The following STAG1 variants were observed in gnomAD, a reference collection of about 807,000 sequenced individuals.
STAG1 encodes the protein STAG1 cohesin complex component, also known as cohesin subunit SA-1.
STAG1 carries 26 observed loss-of-function variants against 170.9 expected under a neutral mutation model. That is an observed-to-expected ratio of 0.15 (90% CI 0.11 to 0.21). The LOEUF (loss-of-function observed/expected upper bound fraction) is 0.21. STAG1 is among the 10% of genes least tolerant of loss of function. STAG1 has a pLI of 1.00. For synonymous variants in STAG1, 514 were observed against 497.7 expected, an observed-to-expected ratio of 1.03 and a Z score of -0.44; for missense variants, 964 against 1,509.5, an observed-to-expected ratio of 0.64 and a Z score of 5.99.
At chr3:136,553,355 T>C (rs1936480241) in intron 5 of STAG1, among the ~76,000 whole-genome samples, 1 of 151,824 alleles carries the variant, frequency 6.6e-6, no homozygotes, top group Non-Finnish European at 1.5e-5. Context: ...GGAAAGAAAA[T>C]TTAAAGAGAT....
intron 1 of STAG1, among the ~76,000 whole-genome samples, chr3:136,717,567 G>A (rs1461919142): frequency 1.3e-5 from 2 of 152,198 alleles, no homozygotes; most frequent in Admixed American, 6.5e-5. Context: ...GGGAGGCTGA[G>A]GCAGGAGAAT....
chr3:136,700,497 G>A (rs558550096), intron 1 of STAG1, among the ~76,000 whole-genome samples: 18 of 150,054 alleles, frequency 1.2e-4, no homozygotes, highest in African/African-American at 3.4e-4. Flanking sequence ...TCTGCTCACC[G>A]CAACCTCCAC....
chr3:136,439,198 A>T (rs1196834231), intron 15 of STAG1, among the ~76,000 whole-genome samples: 2 of 62,398 alleles, frequency 3.2e-5, no homozygotes, highest in East Asian at 8.2e-4. Flanking sequence ...CAGACTCAAA[A>T]AAAAAAAAAA....
At chr3:136,357,929 A>T in intron 27 of STAG1, 81 bp from the exon 28 acceptor site, 1 of 1,210,220 alleles carries the variant, frequency 8.3e-7, no homozygotes, top group Non-Finnish European at 1.2e-6. Context: ...AATATTTGTG[A>T]AGGTAGTAAA....
At chr3:136,671,177 G>T (rs973697186) in intron 1 of STAG1, among the ~76,000 whole-genome samples, 1 of 152,008 alleles carries the variant, frequency 6.6e-6, no homozygotes, top group East Asian at 1.9e-4. Context: ...CCAACTACTC[G>T]AGAGGCTAGC....
intron 13 of STAG1, among the ~76,000 whole-genome samples, chr3:136,453,546 G>A (rs924308637): frequency 4.7e-5 from 7 of 149,808 alleles, no homozygotes; most frequent in Non-Finnish European, 8.9e-5. Context: ...AGCCGAGATC[G>A]CGCCACTGCA....
intron 3 of STAG1, among the ~76,000 whole-genome samples, chr3:136,615,782 A>G (rs1470875996): frequency 6.6e-6 from 1 of 151,826 alleles, no homozygotes; most frequent in Admixed American, 6.6e-5. Flanking sequence ...CAAATCAAAA[A>G]AAAAAAGAAA....
At chr3:136,410,992 T>C (rs576003517) in intron 21 of STAG1, among the ~76,000 whole-genome samples, 2 of 152,256 alleles carry the variant, frequency 1.3e-5, no homozygotes, top group East Asian at 3.9e-4. Flanking sequence ...GAGGTGGAGG[T>C]TGCAGTGAGC....
At chr3:136,349,633 T>C (rs1448892045) in intron 28 of STAG1, among the ~76,000 whole-genome samples, 2 of 151,980 alleles carry the variant, frequency 1.3e-5, no homozygotes. Context: ...CCTTTGCTTT[T>C]AAACACCAAT....
At chr3:136,457,999 G>C (rs192296487) in intron 13 of STAG1, among the ~76,000 whole-genome samples, 1 of 152,166 alleles carries the variant, frequency 6.6e-6, no homozygotes, top group Non-Finnish European at 1.5e-5. Context: ...GCTGAGATAA[G>C]CAAAATTTTT....
At position 136,567,360 on chromosome 3, in the gene STAG1, T is replaced by C. The variant is rs188731970; in HGVS notation, c.394+1405A>G. Among the ~76,000 whole-genome samples the C allele has an allele frequency of 1.3e-3, 202 of 152,356 alleles. 2 individuals are homozygous for C. The highest frequency in any genetic ancestry group is 0.012 in the Admixed American group (184 of 15,306). ...TCTTGCCAATCCTCACTCATCTCCA[T>C]GCTCTACAATTCAGCCACAGAATCC... On this transcript the variant is annotated intron_variant, in intron 5 of 33. Coordinates refer to ENST00000383202, the MANE Select transcript of STAG1 (RefSeq NM_005862.3).
At chr3:136,463,083 G>A (rs961601575) in intron 13 of STAG1, among the ~76,000 whole-genome samples, 4 of 152,142 alleles carry the variant, frequency 2.6e-5, no homozygotes, top group African/African-American at 9.7e-5. Flanking sequence ...TGGTATCAGT[G>A]ACAGACAACA....
chr3:136,701,637 A>C (rs934274184), intron 1 of STAG1, among the ~76,000 whole-genome samples: 14 of 152,196 alleles, frequency 9.2e-5, no homozygotes, highest in African/African-American at 3.1e-4. Flanking sequence ...TTCTCAACTG[A>C]AAAAATCAAG....
intron 22 of STAG1, among the ~76,000 whole-genome samples, chr3:136,397,955 C>CTTTTTTTTTT (rs1279839273): frequency 3.4e-4 from 51 of 151,160 alleles, no homozygotes; most frequent in Non-Finnish European, 2.2e-4. Context: ...TGATGTTATT[C>CTTTTTTTTTT]TTTTTTTTGA....
chr3:136,596,831 G>T (rs1001316942), intron 4 of STAG1, among the ~76,000 whole-genome samples: 1 of 152,170 alleles, frequency 6.6e-6, no homozygotes, highest in Non-Finnish European at 1.5e-5. Flanking sequence ...CCAGCACCTT[G>T]GGAGGCCAAG....
intron 1 of STAG1, among the ~76,000 whole-genome samples, chr3:136,657,177 G>A (rs1378787975): frequency 8.6e-6 from 1 of 116,030 alleles, no homozygotes; most frequent in African/African-American, 3.5e-5. Flanking sequence ...TCTCCTACAC[G>A]TTTCTTTCTT....
rs1166013269 is a variant in STAG1, at chr3:136,735,821, A to G, written c.-84+16374T>C. On this transcript the variant is annotated intron_variant, in intron 1 of 33. Transcript: ENST00000383202. Reference sequence around the variant, plus strand: ...TGGGAGGTATAAAAATTTATTATACATAAAGAATATTACCACTAACAAATG... The same window carrying G: ...TGGGAGGTATAAAAATTTATTATACGTAAAGAATATTACCACTAACAAATG... Among the ~76,000 whole-genome samples the G allele has an allele frequency of 2.0e-5, 3 of 152,342 alleles. No homozygotes were observed. In the East Asian group the frequency reaches 5.8e-4, roughly 29 times the overall value.
At chr3:136,451,862 A>C (rs537193018) in intron 14 of STAG1, among the ~76,000 whole-genome samples, 171 bp downstream of exon 14, 1 of 152,304 alleles carries the variant, frequency 6.6e-6, no homozygotes, top group African/African-American at 2.4e-5. Context: ...ATATATATTC[A>C]GAACACCTTT....
intron 4 of STAG1, among the ~76,000 whole-genome samples, chr3:136,585,805 A>G (rs1018220480): frequency 2.6e-5 from 4 of 152,138 alleles, no homozygotes; most frequent in Non-Finnish European, 5.9e-5. Context: ...AAAACCTAGC[A>G]AATAGTGAGA....
Sources: gnomAD v4.1 joint callset for allele counts (sites outside exome capture counted in the v4.1 genomes callset) on GRCh38, gnomAD v4.1.1 for gene constraint, MANE v1.5 for transcripts, NCBI Gene and HGNC (gene_info 2026-07-23, HGNC 2026-07-21) for gene names.